IQCJ: variants seen among roughly 807,000 people sequenced by gnomAD.
The protein encoded by IQCJ is IQ domain-containing protein J.
IQCJ carries 9 observed loss-of-function variants against 11.0 expected under a neutral mutation model. That is an observed-to-expected ratio of 0.82 (90% CI 0.49 to 1.43). The LOEUF (loss-of-function observed/expected upper bound fraction) is 1.43, where lower values mean the gene tolerates loss of function less well. Ranked by LOEUF, IQCJ falls within the 40% of genes most tolerant of loss-of-function variation. The pLI is 0.00. For missense variants in IQCJ, 146 were observed against 133.2 expected (o/e 1.10, Z -0.47); for synonymous variants, 55 against 51.3 (o/e 1.07, Z -0.31).
chr3:159,200,927 G>T (rs1724295358), intron 1 of IQCJ, among the ~76,000 whole-genome samples: 1 of 152,136 alleles, frequency 6.6e-6, no homozygotes, highest in Non-Finnish European at 1.5e-5. Context: ...TGGGGGAGGT[G>T]ATTAAAGAAG....
intron 1 of IQCJ, among the ~76,000 whole-genome samples, chr3:159,209,473 G>A (rs1301000532): frequency 6.6e-6 from 1 of 152,164 alleles, no homozygotes; most frequent in Non-Finnish European, 1.5e-5. Context: ...AGAAGCTGGA[G>A]GAGAAGCCAG....
intron 2 of IQCJ, among the ~76,000 whole-genome samples, chr3:159,249,401 AT>A (rs946210077): frequency 5.9e-5 from 9 of 151,808 alleles, no homozygotes; most frequent in Non-Finnish European, 1.2e-4. Context: ...TTGTGTGCTT[AT>A]TTTTTTTCAA....
chr3:159,258,080 C>T (rs773238432), intron 3 of IQCJ, among the ~76,000 whole-genome samples: 10 of 152,126 alleles, frequency 6.6e-5, no homozygotes, highest in African/African-American at 1.7e-4. Context: ...CACTGAAACC[C>T]GGGCGATTGG....
At chr3:159,125,685 T>A (rs994374179) in intron 1 of IQCJ, among the ~76,000 whole-genome samples, 1 of 152,228 alleles carries the variant, frequency 6.6e-6, no homozygotes, top group Non-Finnish European at 1.5e-5. Flanking sequence ...TGCCCTGTCA[T>A]CTGACCAGAT....
chr3:159,186,834 T>G (rs926104593), intron 1 of IQCJ, among the ~76,000 whole-genome samples: 1 of 152,262 alleles, frequency 6.6e-6, no homozygotes, highest in Admixed American at 6.5e-5. Context: ...TTGAACATGC[T>G]GCTGGTGAGA....
chr3:159,193,848 T>C (rs1044507706), intron 1 of IQCJ, among the ~76,000 whole-genome samples: 1 of 152,172 alleles, frequency 6.6e-6, no homozygotes, highest in African/African-American at 2.4e-5. Flanking sequence ...AGGGACCTCA[T>C]GATGTCTGGC....
chr3:159,162,553 C>A (rs993610613), intron 1 of IQCJ, among the ~76,000 whole-genome samples: 7 of 152,088 alleles, frequency 4.6e-5, no homozygotes, highest in Non-Finnish European at 1.0e-4. Context: ...CCCTGGGCAG[C>A]ACTTCCAACA....
rs75950999 is a variant in IQCJ, at chr3:159,174,430, C to T, written c.10-71413C>T. ...TAAAAAATTAATGTACACAGGAGCA[C>T]AGAGATAAATACAAATATTCATCTT... On this transcript the variant is annotated intron_variant, in intron 1 of 3. Coordinates refer to ENST00000397832, the MANE Select transcript of IQCJ (RefSeq NM_001042706.3). Among the ~76,000 whole-genome samples, 294 of 152,144 alleles carry T rather than the reference C, an allele frequency of 1.9e-3. 1 individual carries two copies. Among genetic ancestry groups the T allele is most frequent in the Middle Eastern group, 3.4e-3 (1 of 294 alleles).
chr3:159,116,961 A>G (rs1398884769), intron 1 of IQCJ, among the ~76,000 whole-genome samples: 1 of 152,068 alleles, frequency 6.6e-6, no homozygotes, highest in African/African-American at 2.4e-5. Context: ...GAATGGAGGT[A>G]GGGAGGAAAG....
chr3:159,112,863 A>G (rs1366436526), intron 1 of IQCJ, among the ~76,000 whole-genome samples: 1 of 152,200 alleles, frequency 6.6e-6, no homozygotes, highest in Non-Finnish European at 1.5e-5. Flanking sequence ...ATGGAAAGAA[A>G]TGGAAAGAGA....
chr3:159,266,046 A>T (rs1728475795), downstream of IQCJ: 1 of 152,270 alleles, frequency 6.6e-6, no homozygotes, highest in Non-Finnish European at 1.5e-5. Flanking sequence ...TCATTATCTT[A>T]ATAAAAGCTG....
chr3:159,240,155 G>T (rs1726833846), intron 1 of IQCJ, among the ~76,000 whole-genome samples: 1 of 152,038 alleles, frequency 6.6e-6, no homozygotes, highest in Admixed American at 6.6e-5. Flanking sequence ...GAGTCTATAG[G>T]ACTAAAGAGT....
intron 1 of IQCJ, among the ~76,000 whole-genome samples, chr3:159,077,890 C>G (rs778628820): frequency 6.6e-6 from 1 of 152,056 alleles, no homozygotes; most frequent in South Asian, 2.1e-4. Context: ...AAAAATTAGT[C>G]CTTCTTGCAA....
intron 1 of IQCJ, among the ~76,000 whole-genome samples, chr3:159,235,434 G>A (rs1726520637): frequency 6.6e-6 from 1 of 152,184 alleles, no homozygotes. Flanking sequence ...TTGAGACCAT[G>A]TACTACTTAT....
intron 1 of IQCJ, among the ~76,000 whole-genome samples, chr3:159,181,981 T>C (rs1171234389): frequency 1.3e-5 from 2 of 151,930 alleles, no homozygotes; most frequent in African/African-American, 4.9e-5. Flanking sequence ...TAAGACAAAG[T>C]CCCAGCCTCT....
At chr3:159,137,061 A>C (rs1720332378) in intron 1 of IQCJ, among the ~76,000 whole-genome samples, 1 of 152,132 alleles carries the variant, frequency 6.6e-6, no homozygotes. Flanking sequence ...CAGGAGTTCG[A>C]GATAAGCCTG....
intron 1 of IQCJ, among the ~76,000 whole-genome samples, chr3:159,174,862 C>T (rs975686681): frequency 4.6e-5 from 7 of 151,764 alleles, no homozygotes; most frequent in Admixed American, 1.3e-4. Context: ...TTGTACATAT[C>T]TCACCATAAA....
chr3:159,250,145 A>G (rs1335711136), intron 2 of IQCJ, among the ~76,000 whole-genome samples: 1 of 152,242 alleles, frequency 6.6e-6, no homozygotes, highest in African/African-American at 2.4e-5. Context: ...AGGAGTAATC[A>G]TTTTATTACC....
chr3:159,219,190 A>G (rs1725399876), intron 1 of IQCJ, among the ~76,000 whole-genome samples: 1 of 152,152 alleles, frequency 6.6e-6, no homozygotes, highest in African/African-American at 2.4e-5. Flanking sequence ...CTAGAACCTT[A>G]CATCAAAAAT....
Sources: gnomAD v4.1 joint callset for allele counts (sites outside exome capture counted in the v4.1 genomes callset) on GRCh38, gnomAD v4.1.1 for gene constraint, MANE v1.5 for transcripts, NCBI Gene and HGNC (gene_info 2026-07-23, HGNC 2026-07-21) for gene names.